Variants in DISP1 observed in about 807,000 individuals in gnomAD.
DISP1 encodes the protein dispatched RND transporter family member 1.
A neutral mutation model predicts 37.3 loss-of-function variants in DISP1; 30 were observed. That is an observed-to-expected ratio of 0.80 (90% CI 0.60 to 1.09). The LOEUF is 1.09. DISP1 is among the 50% of genes least tolerant of loss of function. The pLI is 0.00. For missense variants in DISP1, 1,598 were observed against 1,879.5 expected, an observed-to-expected ratio of 0.85 and a Z score of 2.77; for synonymous variants, 634 against 690.2, an observed-to-expected ratio of 0.92 and a Z score of 1.28.
intron 4 of DISP1, among the ~76,000 whole-genome samples, chr1:222,988,087 A>G (rs1572706770): frequency 6.6e-6 from 1 of 152,344 alleles, no homozygotes; most frequent in African/African-American, 2.4e-5. Flanking sequence ...AACCACAATC[A>G]GCTTATTGTC....
chr1:222,959,306 A>G (rs78079462), intron 3 of DISP1, among the ~76,000 whole-genome samples: 2,389 of 152,332 alleles, frequency 0.016, 54 homozygotes, highest in East Asian at 0.13. Flanking sequence ...GCATTGTGCT[A>G]TATTTTACAT....
At chr1:222,901,197 T>C (rs1035299637) in intron 1 of DISP1, among the ~76,000 whole-genome samples, 1 of 152,208 alleles carries the variant, frequency 6.6e-6, no homozygotes, top group African/African-American at 2.4e-5. Flanking sequence ...ATATTCTTAC[T>C]GTATTCTTAG....
At chr1:222,950,700 A>G (rs1229379311) in intron 3 of DISP1, among the ~76,000 whole-genome samples, 2 of 152,150 alleles carry the variant, frequency 1.3e-5, no homozygotes, top group Non-Finnish European at 1.5e-5. Context: ...AGTCCATTTG[A>G]TGATCTGTTC....
intron 2 of DISP1, among the ~76,000 whole-genome samples, chr1:222,936,786 A>ATT (rs1491374413): frequency 1.9e-5 from 1 of 53,452 alleles, no homozygotes; most frequent in Non-Finnish European, 3.8e-5. Context: ...ATCATATATA[A>ATT]TATATATAAT....
At chr1:222,936,049 C>CT (rs1673704168) in intron 2 of DISP1, among the ~76,000 whole-genome samples, 1 of 152,122 alleles carries the variant, frequency 6.6e-6, no homozygotes, top group African/African-American at 2.4e-5. Context: ...AACACCTTAC[C>CT]TTTTTTATGT....
intron 1 of DISP1, among the ~76,000 whole-genome samples, chr1:222,825,317 T>A (rs1439230121): frequency 6.6e-6 from 1 of 152,202 alleles, no homozygotes; most frequent in Non-Finnish European, 1.5e-5. Flanking sequence ...ATTTAGCCAT[T>A]TCATAATATA....
At chr1:222,977,343 T>TTC (rs1677430931) in intron 3 of DISP1, among the ~76,000 whole-genome samples, 3 of 812 alleles carry the variant, frequency 3.7e-3, no homozygotes, top group Non-Finnish European at 0.03. Context: ...CAGCATATTC[T>TTC]TTTTTTTTTT....
chr1:222,971,314 G>A (rs1489506570), intron 3 of DISP1, among the ~76,000 whole-genome samples: 1 of 147,110 alleles, frequency 6.8e-6, no homozygotes, highest in Non-Finnish European at 1.5e-5. Flanking sequence ...GCCTGTAAAT[G>A]AAGATATCAC....
At position 223,005,331 on chromosome 1, in the gene DISP1, G is replaced by A. The variant is rs147445335; in HGVS notation, c.3934G>A (p.Val1312Met). The change falls in exon 9 of 9, where the codon GTG (valine) becomes ATG (methionine). Residue 1312 changes from valine to methionine, a missense_variant. By Grantham distance (21) the Val-to-Met change is conservative. Transcript: ENST00000675850. ...TSSFVQIQNG[V>M]APLKATHQAV... is the part of the protein sequence containing the mutation. The stretch of plus-strand genomic sequence containing the variant: ...CAGCTTTGTCCAGATCCAAAACGGC[G>A]TGGCACCTCTGAAGGCCACACACCA... 5.8e-5 allele frequency: 93 copies of A among 1,613,542 alleles called. No individual in the cohort carries two copies. The highest frequency in any genetic ancestry group is 4.8e-4 in the African/African-American group (36 of 75,016).
At chr1:222,902,675 A>T (rs530401553) in intron 1 of DISP1, among the ~76,000 whole-genome samples, 1 of 152,352 alleles carries the variant, frequency 6.6e-6, no homozygotes, top group African/African-American at 2.4e-5. Context: ...GAAGACATTT[A>T]TGCAGCCAAA....
At chr1:222,944,042 AAACAAC>A (rs200029784) in intron 3 of DISP1, among the ~76,000 whole-genome samples, 1 of 152,092 alleles carries the variant, frequency 6.6e-6, no homozygotes, top group African/African-American at 2.4e-5. Context: ...AAGAAAAAAG[AAACAAC>A]AACAACAACA....
At chr1:222,861,706 A>G (rs1314710919) in intron 1 of DISP1, among the ~76,000 whole-genome samples, 1 of 151,474 alleles carries the variant, frequency 6.6e-6, no homozygotes, top group Non-Finnish European at 1.5e-5. Context: ...AAACACCACA[A>G]TAAATTATTA....
intron 1 of DISP1, chr1:222,836,775 A>T (rs1405225162): frequency 4.5e-6 from 1 of 222,802 alleles, no homozygotes; most frequent in Non-Finnish European, 8.6e-6. Flanking sequence ...ACACACACAC[A>T]CACACACCTA....
At chr1:222,903,489 A>T (rs1671730124) in intron 1 of DISP1, among the ~76,000 whole-genome samples, 2 of 152,070 alleles carry the variant, frequency 1.3e-5, no homozygotes, top group African/African-American at 4.8e-5. Flanking sequence ...GTCTAAATAC[A>T]TATTATAAAA....
chr1:222,964,139 AAAT>A (rs1676278208), intron 3 of DISP1, among the ~76,000 whole-genome samples: 1 of 152,004 alleles, frequency 6.6e-6, no homozygotes, highest in African/African-American at 2.4e-5. Flanking sequence ...TCTCTACTAC[AAAT>A]ACAAAAATTA....
At chr1:222,990,527 G>C in intron 4 of DISP1, 98 bp from the exon 5 acceptor site, 1 of 1,592,860 alleles carries the variant, frequency 6.3e-7, no homozygotes, top group Middle Eastern at 1.7e-4. Flanking sequence ...TGCTGTCTTA[G>C]GTACCAAAAA....
intron 1 of DISP1, among the ~76,000 whole-genome samples, chr1:222,920,033 G>T (rs184170135): frequency 6.6e-6 from 1 of 152,086 alleles, no homozygotes; most frequent in South Asian, 2.1e-4. Flanking sequence ...TATTCCTACG[G>T]AGTCTAACTT....
chr1:222,989,533 T>C, intron 4 of DISP1: 1 of 985,342 alleles, frequency 1.0e-6, no homozygotes, highest in Non-Finnish European at 1.2e-6. Context: ...AGGTAACAAA[T>C]GAGGGTGTGG....
chr1:222,870,288 C>T (rs896944454), intron 1 of DISP1, among the ~76,000 whole-genome samples: 6 of 152,170 alleles, frequency 3.9e-5, no homozygotes, highest in African/African-American at 1.4e-4. Context: ...GATTTATAAT[C>T]CTTTGGGTGT....
Sources: allele counts gnomAD v4.1 joint callset (sites outside exome capture counted in the v4.1 genomes callset), GRCh38; gene constraint gnomAD v4.1.1; transcripts MANE v1.5; gene names NCBI Gene and HGNC (gene_info 2026-07-23, HGNC 2026-07-21).